Variants in GSE1 observed in about 807,000 individuals in gnomAD.
GSE1 encodes the protein genetic suppressor element 1.
In GSE1, 32 loss-of-function variants were observed where a neutral mutation model predicts 112.6. That is an observed-to-expected ratio of 0.28 (90% CI 0.21 to 0.38). The LOEUF (loss-of-function observed/expected upper bound fraction) is 0.38. Among genes scored for constraint, GSE1 ranks in the 10% least tolerant of loss-of-function variants. GSE1 has a pLI of 1.00. For missense variants in GSE1, 2,348 were observed against 1,699.2 expected (o/e 1.38, Z -6.71); for synonymous variants, 1,115 against 735.6 (o/e 1.52, Z -8.35).
chr16:85,256,306 A>G (rs1597207036), intron 1 of GSE1, among the ~76,000 whole-genome samples: 2 of 152,186 alleles, frequency 1.3e-5, no homozygotes, highest in Non-Finnish European at 2.9e-5. Context: ...GCACCTGTGG[A>G]GCACCCGCTA....
intron 1 of GSE1, among the ~76,000 whole-genome samples, chr16:85,616,534 C>T (rs935967598): frequency 6.6e-6 from 1 of 152,218 alleles, no homozygotes; most frequent in Non-Finnish European, 1.5e-5. Flanking sequence ...TGTGAATTGT[C>T]TCTGTTGTGG....
intron 2 of GSE1, among the ~76,000 whole-genome samples, chr16:85,366,434 G>C (rs546144048): frequency 6.6e-4 from 100 of 152,326 alleles, no homozygotes; most frequent in Middle Eastern, 6.8e-3. Context: ...CCCTCTCCAC[G>C]ACCAATCTAT....
At chr16:85,665,250 C>T in intron 12 of GSE1, 122 bp downstream of exon 12, 5 of 629,948 alleles carry the variant, frequency 7.9e-6, no homozygotes, top group South Asian at 3.7e-5. Flanking sequence ...CTGTCTTCTT[C>T]CATTCTTGTA....
chr16:85,668,927 G>A (rs949644746), intron 14 of GSE1, among the ~76,000 whole-genome samples: 5 of 152,244 alleles, frequency 3.3e-5, no homozygotes, highest in Non-Finnish European at 5.9e-5. Flanking sequence ...ACAGGCTCCT[G>A]GTAAAGGCTT....
chr16:85,463,202 C>A, intron 2 of GSE1: 1 of 756,522 alleles, frequency 1.3e-6, no homozygotes, highest in Non-Finnish European at 1.6e-6. Context: ...GCGCCACCCA[C>A]CCGGGGCTGG....
chr16:85,498,651 AC>A (rs1336626699), intron 2 of GSE1, among the ~76,000 whole-genome samples: 5 of 151,628 alleles, frequency 3.3e-5, no homozygotes, highest in African/African-American at 1.2e-4. Context: ...CAACCTAGAC[AC>A]CCCCCACACT....
At chr16:85,179,091 G>T (rs2074528312) in intron 1 of GSE1, among the ~76,000 whole-genome samples, 1 of 152,094 alleles carries the variant, frequency 6.6e-6, no homozygotes, top group Non-Finnish European at 1.5e-5. Context: ...GCACCACCAT[G>T]ACTGTCCAGT....
chr16:85,225,725 G>T (rs2075473865), intron 1 of GSE1, among the ~76,000 whole-genome samples: 1 of 152,220 alleles, frequency 6.6e-6, no homozygotes, highest in Admixed American at 6.5e-5. Context: ...ATTGTCTTCA[G>T]AGCCTCTCAA....
intron 1 of GSE1, among the ~76,000 whole-genome samples, chr16:85,195,355 A>G (rs973269848): frequency 6.6e-6 from 1 of 152,174 alleles, no homozygotes; most frequent in East Asian, 1.9e-4. Context: ...GAAATCAGCA[A>G]GAACCACGTT....
chr16:85,215,422 G>T (rs1025968013), intron 1 of GSE1, among the ~76,000 whole-genome samples: 1 of 152,108 alleles, frequency 6.6e-6, no homozygotes, highest in Non-Finnish European at 1.5e-5. Context: ...TTGTGGGGGG[G>T]CCAGGGATAA....
chr16:85,517,088 C>T (rs1374463435), intron 2 of GSE1, among the ~76,000 whole-genome samples: 7 of 152,216 alleles, frequency 4.6e-5, no homozygotes, highest in African/African-American at 9.6e-5. Flanking sequence ...TGAGCCACCG[C>T]GCCCGGCCAT....
intron 2 of GSE1, among the ~76,000 whole-genome samples, chr16:85,648,060 G>C (rs1005503966): frequency 1.3e-5 from 2 of 152,030 alleles, no homozygotes; most frequent in Non-Finnish European, 2.9e-5. Context: ...GCTGCCTCTC[G>C]GTGGGGCAGG....
chr16:85,647,353 T>A (rs2050960456), intron 2 of GSE1, among the ~76,000 whole-genome samples: 1 of 152,182 alleles, frequency 6.6e-6, no homozygotes, highest in Non-Finnish European at 1.5e-5. Context: ...GACGGGCGAG[T>A]TCCGGGGTAG....
intron 1 of GSE1, among the ~76,000 whole-genome samples, chr16:85,279,820 G>T (rs746216568): frequency 6.6e-6 from 1 of 152,122 alleles, no homozygotes; most frequent in Non-Finnish European, 1.5e-5. Context: ...TCCCTCCCCT[G>T]CCTGAGTGAG....
chr16:85,359,645 A>T (rs2047023151), intron 2 of GSE1, among the ~76,000 whole-genome samples: 1 of 152,198 alleles, frequency 6.6e-6, no homozygotes, highest in South Asian at 2.1e-4. Context: ...TCATGTTGGG[A>T]CACATGTCCT....
In GSE1 at chr16:85,475,986, A is replaced by G. The variant is rs186066760; in HGVS notation, c.2464+118343A>G. Among the ~76,000 whole-genome samples the G allele has an allele frequency of 1.3e-3, 199 of 152,194 alleles. No individual in the cohort carries two copies. The Middle Eastern group carries it at 0.017, about 13-fold the overall frequency. Reference sequence around the variant, plus strand: ...CTCTCTGTCACCCGAGTTGGAGTGCAGTGACACGATCTTGGCTCACTGCAA... The same window carrying G: ...CTCTCTGTCACCCGAGTTGGAGTGCGGTGACACGATCTTGGCTCACTGCAA... On this transcript the variant is annotated intron_variant, in intron 2 of 2. Coordinates refer to the GSE1 transcript ENST00000637419.
Position 85,654,783 on chromosome 16 carries a change from C to G in GSE1, c.600-11C>G, listed in dbSNP as rs758431523. On this transcript the variant is annotated splice_polypyrimidine_tract_variant and intron_variant, in intron 4 of 15. Coordinates refer to ENST00000253458, the MANE Select transcript of GSE1 (RefSeq NM_014615.5). ...ACCTGTCCCCACCTTGCCCACTATC[C>G]CCGCCTGCAGCCTCCAGCGGCCCGT... 12 of 1,598,474 alleles carry G rather than the reference C, an allele frequency of 7.5e-6. No homozygotes were observed. The East Asian group carries it at 2.7e-4, about 36-fold the overall frequency.
chr16:85,486,811 C>T (rs2151884985), intron 2 of GSE1, among the ~76,000 whole-genome samples: 1 of 152,368 alleles, frequency 6.6e-6, no homozygotes, highest in East Asian at 1.9e-4. Context: ...AGAGCCCTCT[C>T]CCTCCCTCCC....
intron 1 of GSE1, among the ~76,000 whole-genome samples, chr16:85,571,726 C>T (rs1333772760): frequency 1.3e-5 from 2 of 152,196 alleles, no homozygotes; most frequent in East Asian, 3.9e-4. Context: ...CTGCAGGAGG[C>T]CCCAGCAAGG....
Sources: allele counts gnomAD v4.1 joint callset (sites outside exome capture counted in the v4.1 genomes callset), GRCh38; gene constraint gnomAD v4.1.1; transcripts MANE v1.5; gene names NCBI Gene and HGNC (gene_info 2026-07-23, HGNC 2026-07-21).